The following QRICH1 variants were observed in gnomAD, a reference collection of about 807,000 sequenced individuals.
The protein encoded by QRICH1 is glutamine rich 1.
QRICH1 carries 16 observed loss-of-function variants against 87.1 expected under a neutral mutation model. That is an observed-to-expected ratio of 0.18 (90% CI 0.12 to 0.28). The LOEUF is 0.28. Ranked by LOEUF, QRICH1 falls within the 10% of genes least tolerant of loss-of-function variation. The pLI, the probability that QRICH1 is intolerant of heterozygous loss-of-function variation, is 1.00. For missense variants in QRICH1, 647 were observed against 951.7 expected (o/e 0.68, Z 4.21); for synonymous variants, 367 against 368.4 (o/e 1.00, Z 0.05).
intron 2 of QRICH1, among the ~76,000 whole-genome samples, chr3:49,060,345 C>T (rs1404888681): frequency 6.6e-6 from 1 of 151,656 alleles, no homozygotes; most frequent in Non-Finnish European, 1.5e-5. Flanking sequence ...AGGCACCCGC[C>T]ACCACGACTG....
Position 49,032,262 on chromosome 3 carries a change from T to C in QRICH1, c.2059A>G (p.Met687Val). ...HQTGQKVTDD[M>V]YAEQTENPEN... ...GGATTTTCCGTCTGTTCTGCATACA[T>C]GTCATCTGTAACTATAAAACACACA... is the stretch of plus-strand genomic sequence containing the variant. The change falls in exon 9 of 10, where the codon ATG (methionine) becomes GTG (valine). Residue 687 changes from methionine (M) to valine (V), a missense_variant. Coordinates refer to ENST00000395443, the MANE Select transcript of QRICH1 (RefSeq NM_198880.3). 1.2e-6 allele frequency: 2 copies of C among 1,613,000 alleles called. No individual in the cohort carries two copies. The highest frequency in any genetic ancestry group is 1.1e-5 in the South Asian group (1 of 91,058).
At chr3:49,066,807 G>A (rs1350366503) in intron 2 of QRICH1, among the ~76,000 whole-genome samples, 1 of 152,090 alleles carries the variant, frequency 6.6e-6, no homozygotes, top group Non-Finnish European at 1.5e-5. Context: ...GGAGGCCAAG[G>A]CAGGTGGATC....
intron 1 of QRICH1, among the ~76,000 whole-genome samples, chr3:49,085,283 T>TA (rs2042147176): frequency 3.3e-5 from 5 of 151,470 alleles, no homozygotes; most frequent in Non-Finnish European, 7.4e-5. Flanking sequence ...CTCATGCCTG[T>TA]AATCCCAGCA....
At position 49,051,594 on chromosome 3, in the gene QRICH1, C is replaced by CT. The variant is rs1191125700; in HGVS notation, c.1339-4349_1339-4348insA. 3.8e-3 allele frequency among the ~76,000 whole-genome samples: 533 copies of CT among 140,362 alleles called. 4 individuals carry two copies. The highest frequency in any genetic ancestry group is 0.013 in the African/African-American group (509 of 37,744). 92.1% of individuals were successfully genotyped at this position (140,362 alleles called of 152,430 possible). On this transcript the variant is annotated intron_variant, in intron 3 of 9. Coordinates refer to ENST00000395443, the MANE Select transcript of QRICH1 (RefSeq NM_198880.3). ...TAGAACCCCCCCTGCGCCCCCCCCC[C>CT]CCTCCGCTTAATATACCTAGTGGGT... is the stretch of plus-strand genomic sequence containing the variant.
chr3:49,033,039 G>T, intron 7 of QRICH1, 81 bp downstream of exon 7: 1 of 1,142,766 alleles, frequency 8.8e-7, no homozygotes. Context: ...ATATATGTCA[G>T]AGGAATTCAG....
intron 2 of QRICH1, among the ~76,000 whole-genome samples, chr3:49,059,719 G>C (rs978178751): frequency 1.6e-4 from 24 of 150,646 alleles, no homozygotes; most frequent in African/African-American, 5.9e-4. Flanking sequence ...ACCATGCCTA[G>C]CCTTATTTAT....
chr3:49,068,363 G>A (rs1257837544), intron 2 of QRICH1, among the ~76,000 whole-genome samples: 1 of 151,722 alleles, frequency 6.6e-6, no homozygotes, highest in East Asian at 1.9e-4. Context: ...AGGCTGAGGT[G>A]GGAGGATCCC....
intron 1 of QRICH1, among the ~76,000 whole-genome samples, chr3:49,081,217 G>A (rs922412185): frequency 2.0e-5 from 3 of 151,982 alleles, no homozygotes; most frequent in African/African-American, 7.2e-5. Flanking sequence ...AGGAGATCGA[G>A]ACCAGCCTGG....
At position 49,057,376 on chromosome 3, in the gene QRICH1, T is replaced by C; in HGVS notation, c.824A>G (p.Gln275Arg). 1 of 1,614,190 alleles carries C rather than the reference T, an allele frequency of 6.2e-7. No homozygotes were observed. The highest frequency in any genetic ancestry group is 8.5e-7 in the Non-Finnish European group (1 of 1,180,036). The change falls in exon 3 of 10, where the codon CAG becomes CGG. Residue 275 changes from glutamine to arginine, a missense_variant. Coordinates refer to ENST00000395443, the MANE Select transcript of QRICH1 (RefSeq NM_198880.3). The surrounding 1 kb of genome is among the most constrained non-coding windows in gnomAD (Gnocchi z 5.4). ...VATVLAIPQG[Q>R]QQSYVSLRPD... is the part of the protein sequence containing the mutation. Reference sequence around the variant, plus strand: ...CCTCAAAGACACATAACTCTGCTGCTGGCCCTGTGGAATGGCCAGCACGGT... The same window carrying C: ...CCTCAAAGACACATAACTCTGCTGCCGGCCCTGTGGAATGGCCAGCACGGT...
intron 3 of QRICH1, among the ~76,000 whole-genome samples, chr3:49,055,296 G>C (rs1312159567): frequency 1.3e-5 from 2 of 151,930 alleles, no homozygotes; most frequent in Non-Finnish European, 2.9e-5. Flanking sequence ...TGCATGCTCA[G>C]GAGCCTATGC....
intron 6 of QRICH1, among the ~76,000 whole-genome samples, chr3:49,041,339 ATGTGTGTGTG>A (rs34898562): frequency 1.3e-5 from 2 of 149,206 alleles, no homozygotes; most frequent in African/African-American, 2.5e-5. Flanking sequence ...GATATTTAAT[ATGTGTGTGTG>A]TGTGTGTGTG....
At chr3:49,068,274 T>C (rs1456248944) in intron 2 of QRICH1, among the ~76,000 whole-genome samples, 1 of 151,898 alleles carries the variant, frequency 6.6e-6, no homozygotes, top group Non-Finnish European at 1.5e-5. Context: ...GCAGGATCAA[T>C]TGCGCCCAGG....
chr3:49,049,020 G>T (rs982384742), intron 3 of QRICH1, among the ~76,000 whole-genome samples: 1 of 151,302 alleles, frequency 6.6e-6, no homozygotes, highest in African/African-American at 2.4e-5. Flanking sequence ...TCCTTTCTCA[G>T]CCTCCCGAGT....
At chr3:49,093,621 G>A (rs1470525883) in intron 1 of QRICH1, 1 of 157,826 alleles carries the variant, frequency 6.3e-6, no homozygotes, top group African/African-American at 2.4e-5. Context: ...GCACGTCGGC[G>A]GCCACGCGCA....
At chr3:49,073,293 G>A (rs2041881500) in intron 2 of QRICH1, among the ~76,000 whole-genome samples, 1 of 152,130 alleles carries the variant, frequency 6.6e-6, no homozygotes. Flanking sequence ...GATCACACCT[G>A]TACTTTGGAG....
At chr3:49,070,761 G>T (rs1344037967) in intron 2 of QRICH1, among the ~76,000 whole-genome samples, 1 of 152,154 alleles carries the variant, frequency 6.6e-6, no homozygotes, top group Non-Finnish European at 1.5e-5. Flanking sequence ...TTTTTTAAAA[G>T]TATCTTTTTA....
intron 1 of QRICH1, among the ~76,000 whole-genome samples, chr3:49,078,016 G>C (rs1328376868): frequency 6.6e-6 from 1 of 152,134 alleles, no homozygotes; most frequent in Non-Finnish European, 1.5e-5. Flanking sequence ...GACCCCTGTC[G>C]CTGCTACCTT....
chr3:49,083,862 C>G (rs1423536542), intron 1 of QRICH1, among the ~76,000 whole-genome samples: 3 of 150,918 alleles, frequency 2.0e-5, no homozygotes, highest in Admixed American at 6.6e-5. Flanking sequence ...CCAGGAGGCA[C>G]AATCTTGGCT....
intron 2 of QRICH1, among the ~76,000 whole-genome samples, chr3:49,069,098 A>ATTTTTTTTTTTTT (rs1470081542): frequency 2.4e-5 from 2 of 83,884 alleles, no homozygotes; most frequent in Admixed American, 1.6e-4. Flanking sequence ...TATTATTATT[A>ATTTTTTTTTTTTT]TTATTATTAT....
Sources: gnomAD v4.1 joint callset for allele counts (sites outside exome capture counted in the v4.1 genomes callset) on GRCh38, gnomAD v4.1.1 for gene constraint, Gnocchi (gnomAD v3.1) non-coding constraint, MANE v1.5 for transcripts, NCBI Gene and HGNC (gene_info 2026-07-23, HGNC 2026-07-21) for gene names.